Variants in KIAA0586 observed in about 807,000 individuals in gnomAD.
The protein encoded by KIAA0586 is protein TALPID3.
Under a neutral mutation model 169.8 loss-of-function variants are expected in KIAA0586, and 144 were observed. The observed-to-expected ratio is 0.85, with a 90% CI of 0.74 to 0.97. The LOEUF is 0.97. Among genes scored for constraint, KIAA0586 ranks in the 50% least tolerant of loss-of-function variants. KIAA0586 has a pLI of 0.00. For synonymous variants in KIAA0586, 625 were observed against 612.4 expected, an observed-to-expected ratio of 1.02 and a Z score of -0.30; for missense variants, 1,854 against 1,823.0, an observed-to-expected ratio of 1.02 and a Z score of -0.31.
intron 14 of KIAA0586, among the ~76,000 whole-genome samples, chr14:58,464,425 A>T (rs929492305): frequency 3.5e-3 from 6 of 1,706 alleles, no homozygotes; most frequent in African/African-American, 3.7e-3. Context: ...CCTGCATTTA[A>T]AAAAAAAAAA....
At chr14:58,461,853 A>T (rs1443977387) in intron 14 of KIAA0586, among the ~76,000 whole-genome samples, 1 of 152,156 alleles carries the variant, frequency 6.6e-6, no homozygotes, top group African/African-American at 2.4e-5. Flanking sequence ...ACAACTGAAA[A>T]CATCTTCATG....
chr14:58,509,097 G>A (rs987254684), intron 28 of KIAA0586, among the ~76,000 whole-genome samples: 1 of 152,064 alleles, frequency 6.6e-6, no homozygotes, highest in Admixed American at 6.6e-5. Context: ...GGCTCCTGTA[G>A]TTCCAGCTAC....
chr14:58,551,331 G>A (rs2047196123), downstream of KIAA0586: 1 of 151,946 alleles, frequency 6.6e-6, no homozygotes, highest in Admixed American at 6.5e-5. Flanking sequence ...ACAGATTTCT[G>A]GTTCCTTGAT....
chr14:58,553,679 G>A (rs1361563490), downstream of KIAA0586, among the ~76,000 whole-genome samples: 2 of 151,966 alleles, frequency 1.3e-5, no homozygotes, highest in African/African-American at 2.4e-5. Context: ...GTCACTCATG[G>A]GAGTAGAAGT....
chr14:58,558,026 C>T, the KIAA0586 span, among the ~76,000 whole-genome samples: 1 of 147,948 alleles, frequency 6.8e-6, no homozygotes, highest in African/African-American at 2.5e-5. Flanking sequence ...TCTCCCACCT[C>T]ATCCGCCTGA....
At chr14:58,533,947 T>G (rs1336325314) in intron 29 of KIAA0586, among the ~76,000 whole-genome samples, 1 of 152,222 alleles carries the variant, frequency 6.6e-6, no homozygotes, top group African/African-American at 2.4e-5. Flanking sequence ...TTTCATTCTT[T>G]CACTCTTTCA....
In KIAA0586 at chr14:58,525,461, G is replaced by A. The variant is rs568862185; in HGVS notation, c.4429+12834G>A. Among the ~76,000 whole-genome samples the A allele has an allele frequency of 3.3e-5, 5 of 152,160 alleles. No individual in the cohort carries two copies. In the South Asian group the frequency reaches 6.2e-4, roughly 19 times the overall value. On this transcript the variant is annotated intron_variant, in intron 29 of 30. Transcript: ENST00000652326. ...CTCACCCGTGAAGTGCAAGGGGTCG[G>A]GGAACTCCCTCCTCTAGCCAAGTGA...
chr14:58,506,900 ACTT>A (rs150318156), intron 27 of KIAA0586, among the ~76,000 whole-genome samples: 148,810 of 151,952 alleles, frequency 0.98, 72,939 homozygotes, highest in Non-Finnish European at 1. Context: ...TAATCCCAGC[ACTT>A]TGGGAGGCTG....
In KIAA0586 at chr14:58,548,875, T is replaced by C. The variant is rs2047132068; in HGVS notation, c.*943T>C. On this transcript the variant is annotated 3_prime_UTR_variant, in exon 31 of 31. Transcript: ENST00000652326. ...AATTCTGTAACTTCTTGCTTTGTGA[T>C]AGGGGCCAACGAAACGCCTTCTTAT... 1 of 152,204 alleles carries C rather than the reference T, an allele frequency of 6.6e-6. No homozygotes were observed. Among genetic ancestry groups the C allele is most frequent in the East Asian group, 1.9e-4 (1 of 5,202 alleles). The allele number at this position is 152,204 out of a possible 1,614,324, so 9.4% of individuals were successfully genotyped here. A position where few individuals can be genotyped will look rare whatever the true frequency, so the allele number is the denominator to read the frequency against.
chr14:58,500,235 A>C (rs1447701300), intron 27 of KIAA0586, among the ~76,000 whole-genome samples: 1 of 152,230 alleles, frequency 6.6e-6, no homozygotes, highest in Non-Finnish European at 1.5e-5. Context: ...TGATCAATAC[A>C]TAATCTGGTT....
intron 21 of KIAA0586, among the ~76,000 whole-genome samples, chr14:58,484,902 A>ATATATATATTTT (rs2042303089): frequency 2.4e-4 from 3 of 12,486 alleles, no homozygotes; most frequent in African/African-American, 3.0e-4. Context: ...ATATATATAT[A>ATATATATATTTT]TATATATATA....
intron 20 of KIAA0586, among the ~76,000 whole-genome samples, chr14:58,481,718 C>G (rs1489916903): frequency 1.3e-5 from 2 of 152,072 alleles, no homozygotes; most frequent in East Asian, 3.8e-4. Flanking sequence ...TAGTCTTTTT[C>G]ATAATAAGTA....
chr14:58,462,350 C>T (rs765265530), intron 14 of KIAA0586, among the ~76,000 whole-genome samples: 2 of 149,062 alleles, frequency 1.3e-5, no homozygotes, highest in African/African-American at 2.5e-5. Context: ...CGGGTTCAAA[C>T]GATTCTCCTG....
intron 18 of KIAA0586, among the ~76,000 whole-genome samples, chr14:58,473,567 G>A (rs946208845): frequency 6.6e-6 from 1 of 152,154 alleles, no homozygotes; most frequent in Non-Finnish European, 1.5e-5. Flanking sequence ...GTGTATTAGT[G>A]TATTTTGCAT....
chr14:58,496,234 A>G (rs1354395931), intron 26 of KIAA0586, among the ~76,000 whole-genome samples: 1 of 152,214 alleles, frequency 6.6e-6, no homozygotes, highest in Non-Finnish European at 1.5e-5. Context: ...CCTGACTTAA[A>G]TTGGCATGAA....
At chr14:58,506,396 C>T (rs998851326) in intron 27 of KIAA0586, among the ~76,000 whole-genome samples, 6 of 151,974 alleles carry the variant, frequency 3.9e-5, no homozygotes, top group African/African-American at 7.2e-5. Flanking sequence ...AAACTCAATG[C>T]GGCTGGACAT....
intron 21 of KIAA0586, among the ~76,000 whole-genome samples, chr14:58,484,905 TA>T (rs2042307229): frequency 3.5e-5 from 1 of 28,724 alleles, no homozygotes; most frequent in African/African-American, 1.2e-4. Context: ...TATATATATA[TA>T]TATATATATA....
At chr14:58,551,883 AT>A (rs1470673410), downstream of KIAA0586, among the ~76,000 whole-genome samples, 2 of 152,216 alleles carry the variant, frequency 1.3e-5, no homozygotes, top group African/African-American at 4.8e-5. Flanking sequence ...ACAGTCCTTA[AT>A]ATTTCTGCGA....
chr14:58,433,939 C>T (rs534706597), intron 4 of KIAA0586, among the ~76,000 whole-genome samples: 1 of 152,102 alleles, frequency 6.6e-6, no homozygotes, highest in South Asian at 2.1e-4. Flanking sequence ...TTTGAGGATG[C>T]CATGAGCCAT....
Sources: allele counts gnomAD v4.1 joint callset (sites outside exome capture counted in the v4.1 genomes callset), GRCh38; gene constraint gnomAD v4.1.1; transcripts MANE v1.5; gene names NCBI Gene and HGNC (gene_info 2026-07-23, HGNC 2026-07-21).